Variants in RAB40B observed in about 807,000 individuals in gnomAD.
RAB40B encodes the protein ras-related protein Rab-40B.
Under a neutral mutation model 24.0 loss-of-function variants are expected in RAB40B, and 21 were observed. That is an observed-to-expected ratio of 0.88 (90% CI 0.62 to 1.26). RAB40B has a LOEUF of 1.26. Among genes scored for constraint, RAB40B ranks in the 50% most tolerant of loss-of-function variants. The pLI is 0.00. For synonymous variants in RAB40B, 167 were observed against 169.8 expected (o/e 0.98, Z 0.13); for missense variants, 348 against 390.5 (o/e 0.89, Z 0.92).
At chr17:82,659,705 C>T (rs1238677667) in intron 3 of RAB40B, 48 bp from the exon 4 acceptor site, 1 of 1,488,188 alleles carries the variant, frequency 6.7e-7, no homozygotes, top group East Asian at 2.3e-5. Context: ...GATGCAGGCA[C>T]AGCTGTGGCC....
In RAB40B at chr17:82,658,522, A is replaced by C; in HGVS notation, c.534T>G (p.His178Gln). Residue 178 changes from histidine to glutamine, a missense_variant, in exon 5 of 6, where the codon CAT becomes CAG. His to Gln is a conservative substitution (Grantham distance 24). Transcript: ENST00000571995. Reference protein sequence around the residue: ...TELARIVLLRHGMDRLWRPSK... With the variant: ...TELARIVLLRQGMDRLWRPSK... ...TCGGCCGCCAGAGCCGGTCCATCCC[A>C]TGCCGCAGCAGCACGATCCTGGCCA... The C allele has an allele frequency of 6.2e-7, 1 of 1,612,998 alleles. No individual in the cohort carries two copies. Among genetic ancestry groups the C allele is most frequent in the Non-Finnish European group, 8.5e-7 (1 of 1,179,932 alleles).
intron 1 of RAB40B, among the ~76,000 whole-genome samples, chr17:82,668,546 G>A (rs1406561192): frequency 6.6e-6 from 1 of 152,260 alleles, no homozygotes; most frequent in Non-Finnish European, 1.5e-5. Context: ...GCCCAGTCCC[G>A]AGGGGGCTGA....
chr17:82,679,352 G>A (rs1250941325), intron 1 of RAB40B, among the ~76,000 whole-genome samples: 1 of 151,274 alleles, frequency 6.6e-6, no homozygotes, highest in African/African-American at 2.4e-5. Context: ...CGCAATCTCG[G>A]CTCACTGCAA....
Position 82,675,274 on chromosome 17 carries a change from T to A in RAB40B, c.143-10718A>T, listed in dbSNP as rs1378970131. 6.6e-6 allele frequency among the ~76,000 whole-genome samples: 1 copy of A among 152,236 alleles called. No individual in the cohort carries two copies. The highest frequency in any genetic ancestry group is 6.5e-5 in the Admixed American group (1 of 15,280). ...GACCAAAACTGGACTCAGTGTCTTC[T>A]TCAGCTGGCAGTTCCCATTAGCACA... On this transcript the variant is annotated intron_variant, in intron 1 of 5. Transcript: ENST00000571995. This position sits in a 1 kb window ranked among gnomAD's most constrained non-coding sequence, Gnocchi z 4.5.
At position 82,658,509 on chromosome 17, in the gene RAB40B, G is replaced by A. The variant is rs2046116131; in HGVS notation, c.547C>T (p.Leu183Phe). The change falls in exon 5 of 6, where the codon CTC (leucine) becomes TTC (phenylalanine). Residue 183 changes from leucine (L) to phenylalanine (F), a missense_variant. Leu to Phe is a conservative substitution (Grantham distance 22). Around this residue, in one of 3 missense-constraint regions of RAB40B, gnomAD observed 126 missense variants for 181.0 expected, o/e 0.70. Transcript: ENST00000571995. ...IVLLRHGMDRLWRPSKVLSLQ... is the reference protein window; with the variant it reads ...IVLLRHGMDRFWRPSKVLSLQ... ...GGCCTACCCTTGCTCGGCCGCCAGA[G>A]CCGGTCCATCCCATGCCGCAGCAGC... 6.2e-7 allele frequency: 1 copy of A among 1,612,356 alleles called. No individual in the cohort carries two copies. Among genetic ancestry groups the A allele is most frequent in the African/African-American group, 1.3e-5 (1 of 74,900 alleles).
intron 1 of RAB40B, among the ~76,000 whole-genome samples, chr17:82,685,275 A>G (rs2046487404): frequency 7.2e-6 from 1 of 139,542 alleles, no homozygotes; most frequent in Non-Finnish European, 1.6e-5. Flanking sequence ...CAGAAGGGAA[A>G]AGGAGGGTGG....
rs531003155 is a variant in RAB40B at position 82,667,774 on chromosome 17, G to A, written c.143-3218C>T. Among the ~76,000 whole-genome samples the A allele has an allele frequency of 1.3e-5, 2 of 152,270 alleles. No homozygotes were observed. The highest frequency in any genetic ancestry group is 2.1e-4 in the South Asian group (1 of 4,822). ...AGCACTGAGAACGCCCGAAGCACCC[G>A]CTTTGCAGACGCCACCTGCCCCGTG... On this transcript the variant is annotated intron_variant, in intron 1 of 5. Transcript: ENST00000571995. The surrounding 1 kb of genome is among the most constrained non-coding windows in gnomAD (Gnocchi z 4.3).
At chr17:82,664,408 CG>C in intron 2 of RAB40B, 87 bp downstream of exon 2, 1 of 1,330,514 alleles carries the variant, frequency 7.5e-7, no homozygotes, top group Non-Finnish European at 1.1e-6. Flanking sequence ...GGGTGCTCCC[CG>C]GGGCACTGTG....
At chr17:82,684,192 G>C (rs1346243936) in intron 1 of RAB40B, among the ~76,000 whole-genome samples, 1 of 141,100 alleles carries the variant, frequency 7.1e-6, no homozygotes, top group Non-Finnish European at 1.5e-5. Flanking sequence ...TTGCACTCTA[G>C]CCTGGGTGAG....
intron 1 of RAB40B, among the ~76,000 whole-genome samples, chr17:82,676,542 C>T (rs1160793183): frequency 6.6e-6 from 1 of 152,030 alleles, no homozygotes; most frequent in Non-Finnish European, 1.5e-5. Flanking sequence ...TACAAAGCAC[C>T]ATTCCCTTTG....
In RAB40B at chr17:82,663,060, T is replaced by G. The variant is rs1473451434; in HGVS notation, c.203+1436A>C. ...CAGCAAAGGCCCAGCTGGCGGAGGG[T>G]GGGGAGCAGGACAGGGGCTGACGGC... On this transcript the variant is annotated intron_variant, in intron 2 of 5. Coordinates refer to ENST00000571995, the MANE Select transcript of RAB40B (RefSeq NM_006822.3). This position sits in a 1 kb window ranked among gnomAD's most constrained non-coding sequence, Gnocchi z 6.2. Among the ~76,000 whole-genome samples, 1 of 148,896 alleles carries G rather than the reference T, an allele frequency of 6.7e-6. No individual in the cohort carries two copies. The highest frequency in any genetic ancestry group is 6.6e-5 in the Admixed American group (1 of 15,050).
intron 1 of RAB40B, among the ~76,000 whole-genome samples, chr17:82,698,032 G>GC (rs143563421): frequency 0.04 from 6,082 of 151,554 alleles, 420 homozygotes; most frequent in African/African-American, 0.14. Flanking sequence ...CGCCCCTCCT[G>GC]CCCCGCGGCC....
At chr17:82,658,910 A>C in intron 4 of RAB40B, 197 bp from the exon 5 acceptor site, 1 of 571,210 alleles carries the variant, frequency 1.8e-6, no homozygotes, top group East Asian at 2.9e-5. Context: ...TAGGGCCCTC[A>C]TCTAATGACT....
At position 82,663,526 on chromosome 17, in the gene RAB40B, G is replaced by T. The variant is rs1436875235; in HGVS notation, c.203+970C>A. Among the ~76,000 whole-genome samples, 1 of 152,124 alleles carries T rather than the reference G, an allele frequency of 6.6e-6. No individual in the cohort carries two copies. The highest frequency in any genetic ancestry group is 6.5e-5 in the Admixed American group (1 of 15,288). On this transcript the variant is annotated intron_variant, in intron 2 of 5. Coordinates refer to ENST00000571995, the MANE Select transcript of RAB40B (RefSeq NM_006822.3). The surrounding 1 kb of genome is among the most constrained non-coding windows in gnomAD (Gnocchi z 6.2). ...TGTTCCAAGCTGGCCCCAAGGTGGG[G>T]GTGCTGGGGGAGGGAGAGGTGCCCC...
In RAB40B at chr17:82,698,623, G is replaced by A; in HGVS notation, c.-27C>T. 1 of 1,402,234 alleles carries A rather than the reference G, an allele frequency of 7.1e-7. No individual in the cohort carries two copies. Among genetic ancestry groups the A allele is most frequent in the Non-Finnish European group, 9.4e-7 (1 of 1,060,136 alleles). The allele number at this position is 1,402,234 out of a possible 1,614,324, so 86.9% of individuals were successfully genotyped here. ...GTGACGGCCCGGCGCCCCCACCCAT[G>A]CCCGGCCTGCGGGGCTGAGCGCAGA... is the stretch of plus-strand genomic sequence containing the variant. On this transcript the variant is annotated 5_prime_UTR_variant, in exon 1 of 6. Transcript: ENST00000571995.
At chr17:82,676,538 G>A (rs1455465018) in intron 1 of RAB40B, among the ~76,000 whole-genome samples, 1 of 151,198 alleles carries the variant, frequency 6.6e-6, no homozygotes, top group Non-Finnish European at 1.5e-5. Flanking sequence ...CCCCTACAAA[G>A]CACCATTCCC....
chr17:82,693,966 C>T (rs1361896504), intron 1 of RAB40B, among the ~76,000 whole-genome samples: 1 of 151,130 alleles, frequency 6.6e-6, no homozygotes, highest in Non-Finnish European at 1.5e-5. Flanking sequence ...ACCTGTAGTC[C>T]CAGCTACTCA....
At chr17:82,669,154 A>G (rs1028446647) in intron 1 of RAB40B, among the ~76,000 whole-genome samples, 1 of 152,076 alleles carries the variant, frequency 6.6e-6, no homozygotes, top group Non-Finnish European at 1.5e-5. Context: ...CCTGGGCAAC[A>G]TGGTGAGACC....
intron 1 of RAB40B, among the ~76,000 whole-genome samples, chr17:82,673,973 T>C (rs2046366559): frequency 1.3e-5 from 2 of 152,226 alleles, no homozygotes; most frequent in African/African-American, 4.8e-5. Context: ...CTTTTATCCC[T>C]TCTTTGAAAT....
Sources: gnomAD v4.1 joint callset for allele counts (sites outside exome capture counted in the v4.1 genomes callset) on GRCh38, gnomAD v4.1.1 for gene constraint, gnomAD v4.1.1 regional missense constraint, Gnocchi (gnomAD v3.1) non-coding constraint, MANE v1.5 for transcripts, NCBI Gene and HGNC (gene_info 2026-07-23, HGNC 2026-07-21) for gene names.